The following SETX variants were observed in gnomAD, a reference collection of about 807,000 sequenced individuals.
The protein encoded by SETX is helicase senataxin.
SETX carries 90 observed loss-of-function variants against 227.2 expected under a neutral mutation model. The observed-to-expected ratio is 0.40, with a 90% CI of 0.33 to 0.47. SETX has a LOEUF of 0.47. Ranked by LOEUF, SETX falls within the 20% of genes least tolerant of loss-of-function variation. The pLI is 0.91. For synonymous variants in SETX, 1,210 were observed against 1,113.2 expected (o/e 1.09, Z -1.73); for missense variants, 3,052 against 3,181.5 (o/e 0.96, Z 0.98).
Position 132,346,622 on chromosome 9 carries a change from A to C in SETX, c.178-151T>G. The C allele has an allele frequency of 7.5e-6, 5 of 664,338 alleles. No homozygotes were observed. The East Asian group carries it at 1.4e-4, about 18-fold the overall frequency. 41.2% of individuals were successfully genotyped at this position (664,338 alleles called of 1,614,324 possible). On this transcript the variant is annotated intron_variant, in intron 3 of 25. Coordinates refer to ENST00000224140, the MANE Select transcript of SETX (RefSeq NM_015046.7). ...ATTTTAGATTTAAAGAAAACTATTC[A>C]AATGTGGCCACTTTTATGAAAAGTG...
Position 132,342,251 on chromosome 9 carries a change from G to A in SETX, c.498+439C>T, listed in dbSNP as rs1244547503. ...TGCTTCTGTTCCTGCTCACTGTTCTGGATTTTGTCCTTCTTCATCTCTAGC... is the reference window on the plus strand; with the variant it reads ...TGCTTCTGTTCCTGCTCACTGTTCTAGATTTTGTCCTTCTTCATCTCTAGC... On this transcript the variant is annotated intron_variant, in intron 5 of 25. Transcript: ENST00000224140. Among the ~76,000 whole-genome samples the A allele has an allele frequency of 2.0e-5, 3 of 152,030 alleles. No individual in the cohort carries two copies. The East Asian group carries it at 5.8e-4, about 29-fold the overall frequency.
At chr9:132,273,678 T>C (rs568209517) in intron 23 of SETX, among the ~76,000 whole-genome samples, 1 of 152,384 alleles carries the variant, frequency 6.6e-6, no homozygotes, top group East Asian at 1.9e-4. Flanking sequence ...CTAAGCTTAT[T>C]ATCTCTAATA....
Position 132,328,542 on chromosome 9 carries a change from G to T in SETX, c.3056C>A (p.Ser1019Tyr), listed in dbSNP as rs749204574. The change falls in exon 10 of 26, where the codon TCT becomes TAT. Residue 1019 changes from serine (S) to tyrosine (Y), a missense_variant. This residue lies in a region of SETX where 1,483 missense variants were observed against 1,312.0 expected (regional missense o/e 1.13). Coordinates refer to ENST00000224140, the MANE Select transcript of SETX (RefSeq NM_015046.7). ...GATTCTTTCATCATCATCATCATCAGAATCTGAAATAATAATAACCTGTCC... is the reference window on the plus strand; with the variant it reads ...GATTCTTTCATCATCATCATCATCATAATCTGAAATAATAATAACCTGTCC... ...SRGQVIIISD[S>Y]DDDDDERILS... 4.1e-5 allele frequency: 66 copies of T among 1,613,696 alleles called. No homozygotes were observed. Among genetic ancestry groups the T allele is most frequent in the African/African-American group, 1.2e-4 (9 of 74,882 alleles).
At position 132,298,197 on chromosome 9, in the gene SETX, C is replaced by T; in HGVS notation, c.5664G>A (p.Arg1888=). ...IVISSLVTTQ[R]KLKAMSLLGS... Reference sequence around the variant, plus strand: ...CCAACAGAGACATGGCTTTCAACTTCCTTTGTGTAGTTACCAGAGAACTGA... The same window carrying T: ...CCAACAGAGACATGGCTTTCAACTTTCTTTGTGTAGTTACCAGAGAACTGA... The change falls in exon 13 of 26, where the codon AGG becomes AGA. Residue 1888 remains arginine, a synonymous_variant. Transcript: ENST00000224140. The T allele has an allele frequency of 6.2e-7, 1 of 1,614,038 alleles. No individual in the cohort carries two copies. The highest frequency in any genetic ancestry group is 8.5e-7 in the Non-Finnish European group (1 of 1,179,986).
At chr9:132,293,636 TCTCAAACTCCTGAC>T (rs1844474212) in intron 15 of SETX, among the ~76,000 whole-genome samples, 3 of 152,002 alleles carry the variant, frequency 2.0e-5, no homozygotes, top group Non-Finnish European at 4.4e-5. Flanking sequence ...GTCAGGCTGG[TCTCAAACTCCTGAC>T]CTCAGGTGAT....
At chr9:132,336,552 A>G in intron 5 of SETX, 37 bp from the exon 6 acceptor site, 1 of 1,392,480 alleles carries the variant, frequency 7.2e-7, no homozygotes, top group Non-Finnish European at 1.0e-6. Flanking sequence ...AATTCAATAA[A>G]CAATGGTCTA....
At chr9:132,277,965 A>G (rs1843260559) in intron 21 of SETX, 105 bp downstream of exon 21, 1 of 1,117,704 alleles carries the variant, frequency 8.9e-7, no homozygotes, top group East Asian at 2.4e-5. Context: ...ACCCTTCATG[A>G]TTTATGCTTT....
chr9:132,292,091 T>TTG (rs1844352124), intron 15 of SETX, among the ~76,000 whole-genome samples: 1 of 152,148 alleles, frequency 6.6e-6, no homozygotes, highest in African/African-American at 2.4e-5. Context: ...AATTTTCTCC[T>TTG]TATACTTTCC....
In SETX at chr9:132,326,706, A is replaced by C. The variant is rs1297899298; in HGVS notation, c.4892T>G (p.Ile1631Arg). The C allele has an allele frequency of 6.2e-7, 1 of 1,614,086 alleles. No individual in the cohort carries two copies. Among genetic ancestry groups the C allele is most frequent in the Non-Finnish European group, 8.5e-7 (1 of 1,180,042 alleles). ...CTGTGGTACTTTCAAAATCGACTGTATCCCCTTTGACTTATTTTTTAGAGA... is the reference window on the plus strand; with the variant it reads ...CTGTGGTACTTTCAAAATCGACTGTCTCCCCTTTGACTTATTTTTTAGAGA... ...SPSLKNKSKG[I>R]QSILKVPQPV... Residue 1631 changes from isoleucine (I) to arginine (R), a missense_variant, in exon 10 of 26, where the codon ATA (isoleucine) becomes AGA (arginine). Coordinates refer to ENST00000224140, the MANE Select transcript of SETX (RefSeq NM_015046.7).
At chr9:132,265,472 G>A (rs576850458) in intron 25 of SETX, among the ~76,000 whole-genome samples, 19 of 151,966 alleles carry the variant, frequency 1.3e-4, no homozygotes, top group Admixed American at 2.0e-4. Context: ...TGATCCGCCC[G>A]CCTCAGCTCC....
At chr9:132,276,417 C>A (rs1266755586) in intron 22 of SETX, among the ~76,000 whole-genome samples, 2 of 152,206 alleles carry the variant, frequency 1.3e-5, no homozygotes, top group African/African-American at 4.8e-5. Flanking sequence ...CTGATTCTCG[C>A]CTGAGGACGC....
intron 3 of SETX, among the ~76,000 whole-genome samples, chr9:132,348,300 T>C (rs895431690): frequency 6.8e-6 from 1 of 146,034 alleles, no homozygotes; most frequent in Admixed American, 7.0e-5. Flanking sequence ...GAGGCAGAGG[T>C]TGAAGTGAGC....
At chr9:132,300,310 T>C (rs1466022081) in intron 12 of SETX, among the ~76,000 whole-genome samples, 1 of 152,118 alleles carries the variant, frequency 6.6e-6, no homozygotes, top group Non-Finnish European at 1.5e-5. Context: ...GTCATCTCAT[T>C]AGTAATTGGC....
chr9:132,281,799 G>A (rs998066600), intron 19 of SETX, among the ~76,000 whole-genome samples: 4 of 152,060 alleles, frequency 2.6e-5, no homozygotes, highest in Non-Finnish European at 1.5e-5. Flanking sequence ...AGCACTTTGG[G>A]AGGCCGAGGT....
At chr9:132,351,618 T>A (rs1848608242) in intron 2 of SETX, among the ~76,000 whole-genome samples, 1 of 152,206 alleles carries the variant, frequency 6.6e-6, no homozygotes, top group Admixed American at 6.5e-5. Context: ...CTTCCATGGT[T>A]CTTCTTCAAA....
rs1847002312 is a variant in SETX, at chr9:132,328,535, A to G, written c.3063T>C (p.Asp1021=). ...GACTCAGGATTCTTTCATCATCATC[A>G]TCATCAGAATCTGAAATAATAATAA... ...GQVIIISDSD[D]DDDERILSLE... is the part of the protein sequence containing the mutation. Residue 1021 remains aspartate (D), a synonymous_variant, in exon 10 of 26, where the codon GAT becomes GAC. Transcript: ENST00000224140. 6.2e-7 allele frequency: 1 copy of G among 1,614,036 alleles called. No individual in the cohort carries two copies. Among genetic ancestry groups the G allele is most frequent in the South Asian group, 1.1e-5 (1 of 91,076 alleles).
At chr9:132,275,481 A>C (rs1843116055) in intron 22 of SETX, 61 bp from the exon 23 acceptor site, 1 of 1,419,586 alleles carries the variant, frequency 7.0e-7, no homozygotes, top group Non-Finnish European at 9.7e-7. Context: ...CTAATTGCTA[A>C]CTTAAGTTCC....
chr9:132,271,670 T>C (rs373934186), intron 24 of SETX, 40 bp downstream of exon 24: 8 of 1,474,946 alleles, frequency 5.4e-6, no homozygotes, highest in East Asian at 2.3e-5. Flanking sequence ...CAAGCAACAA[T>C]GTATACAAGT....
chr9:132,296,954 A>G lies in SETX; in HGVS notation c.5882T>C (p.Ile1961Thr), dbSNP rs1417547607. 1 of 1,614,146 alleles carries G rather than the reference A, an allele frequency of 6.2e-7. No homozygotes were observed. Among genetic ancestry groups the G allele is most frequent in the Non-Finnish European group, 8.5e-7 (1 of 1,180,022 alleles). ...TTTTCCTGTTCCAGGTGGTCCATGAATCAAGCAGATTTTGGCAACTGATGG... is the reference window on the plus strand; with the variant it reads ...TTTTCCTGTTCCAGGTGGTCCATGAGTCAAGCAGATTTTGGCAACTGATGG... ...HSPSVAKICLIHGPPGTGKSK... is the reference protein window; with the variant it reads ...HSPSVAKICLTHGPPGTGKSK... The change falls in exon 14 of 26, where the codon ATT becomes ACT. Residue 1961 changes from isoleucine to threonine, a missense_variant. By Grantham distance (89) the Ile-to-Thr change is moderately conservative (BLOSUM62 -1). Transcript: ENST00000224140.
Sources: allele counts gnomAD v4.1 joint callset (sites outside exome capture counted in the v4.1 genomes callset), GRCh38; gene constraint gnomAD v4.1.1; regional missense constraint gnomAD v4.1.1; transcripts MANE v1.5; gene names NCBI Gene and HGNC (gene_info 2026-07-23, HGNC 2026-07-21).